WDR70: variants seen among roughly 807,000 people sequenced by gnomAD.
The protein encoded by WDR70 is WD repeat-containing protein 70.
Under a neutral mutation model 88.6 loss-of-function variants are expected in WDR70, and 53 were observed. The ratio of observed to expected loss-of-function variants is 0.60; its 90% CI spans 0.48 to 0.75. The LOEUF (loss-of-function observed/expected upper bound fraction) is 0.75. WDR70 is among the 30% of genes least tolerant of loss of function. The pLI, the probability that WDR70 is intolerant of heterozygous loss-of-function variation, is 0.00. For missense variants in WDR70, 610 were observed against 823.2 expected (o/e 0.74, Z 3.17); for synonymous variants, 280 against 270.0 (o/e 1.04, Z -0.36).
At chr5:37,444,878 A>G (rs1461706106) in intron 7 of WDR70, among the ~76,000 whole-genome samples, 3 of 152,110 alleles carry the variant, frequency 2.0e-5, no homozygotes, top group Admixed American at 6.6e-5. Flanking sequence ...GGATTGTGCA[A>G]CCTAGAGATC....
At chr5:37,638,248 A>C (rs1745023147) in intron 10 of WDR70, among the ~76,000 whole-genome samples, 1 of 152,140 alleles carries the variant, frequency 6.6e-6, no homozygotes, top group Non-Finnish European at 1.5e-5. Flanking sequence ...TATTATGTAT[A>C]TTTTTCAGCA....
chr5:37,624,879 C>A (rs73063791), intron 10 of WDR70, among the ~76,000 whole-genome samples: 1 of 152,152 alleles, frequency 6.6e-6, no homozygotes, highest in Non-Finnish European at 1.5e-5. Flanking sequence ...TGGGACAAGA[C>A]CCTCTCTAGA....
At chr5:37,495,259 C>T (rs1459498288) in intron 8 of WDR70, among the ~76,000 whole-genome samples, 1 of 152,022 alleles carries the variant, frequency 6.6e-6, no homozygotes, top group African/African-American at 2.4e-5. Context: ...CAGTATATTC[C>T]CTACTATTTT....
At chr5:37,528,246 T>G (rs1323038962) in intron 9 of WDR70, among the ~76,000 whole-genome samples, 2 of 152,108 alleles carry the variant, frequency 1.3e-5, no homozygotes, top group Non-Finnish European at 2.9e-5. Context: ...CCATCAATGA[T>G]AGACTGGATT....
chr5:37,584,259 T>C (rs894296689), intron 9 of WDR70, among the ~76,000 whole-genome samples: 3 of 152,236 alleles, frequency 2.0e-5, no homozygotes, highest in Middle Eastern at 3.2e-3. Flanking sequence ...AGGAATCTTA[T>C]TCAGATTCTT....
At chr5:37,659,430 G>C (rs1745641695) in intron 10 of WDR70, among the ~76,000 whole-genome samples, 1 of 151,584 alleles carries the variant, frequency 6.6e-6, no homozygotes. Flanking sequence ...TATTTCTACT[G>C]TTTGTTATTG....
intron 5 of WDR70, among the ~76,000 whole-genome samples, chr5:37,410,592 C>T (rs998209221): frequency 1.3e-5 from 2 of 151,976 alleles, no homozygotes; most frequent in East Asian, 3.9e-4. Context: ...ATATTAAGAC[C>T]TCAAGTACAG....
intron 9 of WDR70, among the ~76,000 whole-genome samples, chr5:37,559,944 AT>A (rs1367842242): frequency 2.0e-5 from 3 of 151,968 alleles, no homozygotes; most frequent in Non-Finnish European, 2.9e-5. Context: ...ATATTTAAAA[AT>A]GTCACCTGTT....
chr5:37,630,950 A>G (rs1451101280), intron 10 of WDR70, among the ~76,000 whole-genome samples: 1 of 152,112 alleles, frequency 6.6e-6, no homozygotes, highest in Non-Finnish European at 1.5e-5. Context: ...TGTAAGGACC[A>G]TGGGATTCTT....
At chr5:37,451,039 C>G (rs553469450) in intron 7 of WDR70, among the ~76,000 whole-genome samples, 1 of 152,120 alleles carries the variant, frequency 6.6e-6, no homozygotes, top group Non-Finnish European at 1.5e-5. Context: ...GCTGGGATTA[C>G]AGGCATGTGC....
intron 8 of WDR70, among the ~76,000 whole-genome samples, chr5:37,510,743 T>A (rs1161133118): frequency 2.0e-5 from 3 of 152,236 alleles, no homozygotes; most frequent in Non-Finnish European, 4.4e-5. Context: ...TATATAGTCA[T>A]CATATCTGTT....
At chr5:37,705,963 T>C (rs1747310866) in intron 13 of WDR70, among the ~76,000 whole-genome samples, 1 of 152,246 alleles carries the variant, frequency 6.6e-6, no homozygotes, top group African/African-American at 2.4e-5. Flanking sequence ...TACATGCTTA[T>C]ATTCTAGGAC....
chr5:37,519,477 C>T (rs548272275), intron 9 of WDR70, among the ~76,000 whole-genome samples: 12 of 138,574 alleles, frequency 8.7e-5, no homozygotes, highest in South Asian at 7.2e-4. Context: ...CGGGCGGAGG[C>T]GCTCCTACAT....
At chr5:37,636,195 C>T (rs1187306898) in intron 10 of WDR70, among the ~76,000 whole-genome samples, 1 of 147,326 alleles carries the variant, frequency 6.8e-6, no homozygotes, top group Non-Finnish European at 1.5e-5. Flanking sequence ...CAGGAGCTAA[C>T]TGGGAGGAGC....
intron 17 of WDR70, among the ~76,000 whole-genome samples, chr5:37,735,486 G>C (rs1195257277): frequency 1.3e-5 from 2 of 152,062 alleles, no homozygotes; most frequent in Admixed American, 6.6e-5. Flanking sequence ...AATGAGCTTT[G>C]CAGAGGACTG....
intron 12 of WDR70, 144 bp from the exon 13 acceptor site, chr5:37,702,805 G>A (rs1460284272): frequency 2.6e-6 from 2 of 760,400 alleles, no homozygotes; most frequent in Non-Finnish European, 3.9e-6. Context: ...TTATTGTGAC[G>A]ATTAAACAAA....
At chr5:37,406,325 T>C (rs1749351540) in intron 5 of WDR70, among the ~76,000 whole-genome samples, 1 of 152,226 alleles carries the variant, frequency 6.6e-6, no homozygotes, top group Non-Finnish European at 1.5e-5. Context: ...CACTTTAGTC[T>C]AATCCTATAT....
chr5:37,551,933 G>A (rs138276406), intron 9 of WDR70, among the ~76,000 whole-genome samples: 13 of 151,710 alleles, frequency 8.6e-5, no homozygotes, highest in East Asian at 3.9e-4. Flanking sequence ...CACCATGCCC[G>A]GCTAATTTTT....
At chr5:37,524,213 T>C (rs937156408) in intron 9 of WDR70, among the ~76,000 whole-genome samples, 3 of 152,054 alleles carry the variant, frequency 2.0e-5, no homozygotes, top group African/African-American at 7.2e-5. Flanking sequence ...GGAAAAAATA[T>C]TAAGGGCAGC....
Sources: allele counts gnomAD v4.1 joint callset (sites outside exome capture counted in the v4.1 genomes callset), GRCh38; gene constraint gnomAD v4.1.1; transcripts MANE v1.5; gene names NCBI Gene and HGNC (gene_info 2026-07-23, HGNC 2026-07-21).